The following SYT1 variants were observed in gnomAD, a reference collection of about 807,000 sequenced individuals.
SYT1 encodes the protein synaptotagmin 1.
Under a neutral mutation model 44.8 loss-of-function variants are expected in SYT1, and 8 were observed. The observed-to-expected ratio is 0.18, with a 90% CI of 0.10 to 0.32. The LOEUF (loss-of-function observed/expected upper bound fraction) is 0.32. Among genes scored for constraint, SYT1 ranks in the 10% least tolerant of loss-of-function variants. The probability of loss-of-function intolerance (pLI) is 1.00; values close to 1 mark genes in which losing one functional copy is unlikely to be tolerated. For synonymous variants in SYT1, 154 were observed against 188.8 expected, an observed-to-expected ratio of 0.82 and a Z score of 1.51; for missense variants, 286 against 509.3, an observed-to-expected ratio of 0.56 and a Z score of 4.22.
At chr12:78,985,927 G>A (rs1034503628) in intron 2 of SYT1, among the ~76,000 whole-genome samples, 5 of 151,788 alleles carry the variant, frequency 3.3e-5, no homozygotes, top group Non-Finnish European at 5.9e-5. Flanking sequence ...ATTTTCTTTC[G>A]AAAAGCACTT....
intron 3 of SYT1, among the ~76,000 whole-genome samples, chr12:79,047,804 T>C (rs1228073150): frequency 6.6e-6 from 1 of 151,582 alleles, no homozygotes; most frequent in Non-Finnish European, 1.5e-5. Context: ...ATGGCAGCTA[T>C]CTGCAGGCTT....
At chr12:78,903,973 CTG>C (rs1875810952) in intron 1 of SYT1, among the ~76,000 whole-genome samples, 1 of 151,768 alleles carries the variant, frequency 6.6e-6, no homozygotes, top group Non-Finnish European at 1.5e-5. Context: ...ACAGTTGAAT[CTG>C]TATTACAGAA....
chr12:79,224,661 T>C (rs1417986853), intron 4 of SYT1, among the ~76,000 whole-genome samples: 2 of 151,958 alleles, frequency 1.3e-5, no homozygotes, highest in Admixed American at 1.3e-4. Flanking sequence ...GATTTTACAC[T>C]GAGTGAAATA....
chr12:79,313,049 A>G (rs528059075), intron 8 of SYT1, among the ~76,000 whole-genome samples: 14 of 152,320 alleles, frequency 9.2e-5, no homozygotes, highest in East Asian at 1.9e-4. Context: ...TCTTTTTTGC[A>G]TAAGTCAGAA....
intron 4 of SYT1, among the ~76,000 whole-genome samples, chr12:79,240,004 A>C (rs1195666919): frequency 6.6e-6 from 1 of 152,226 alleles, no homozygotes; most frequent in Non-Finnish European, 1.5e-5. Flanking sequence ...ATGAATTGAA[A>C]TACAACCTAT....
At chr12:79,335,677 C>T (rs1882058945) in intron 8 of SYT1, among the ~76,000 whole-genome samples, 1 of 152,130 alleles carries the variant, frequency 6.6e-6, no homozygotes. Flanking sequence ...CCAATGACAA[C>T]CTCTTTTTAG....
chr12:79,088,773 T>G (rs1021319958), intron 3 of SYT1, among the ~76,000 whole-genome samples: 3 of 148,856 alleles, frequency 2.0e-5, no homozygotes, highest in African/African-American at 7.4e-5. Context: ...TGTGTGTGTG[T>G]GTGTGTATGT....
intron 9 of SYT1, among the ~76,000 whole-genome samples, chr12:79,355,408 C>T (rs1443200904): frequency 6.6e-6 from 1 of 152,180 alleles, no homozygotes; most frequent in Non-Finnish European, 1.5e-5. Context: ...AGAGAACCAG[C>T]AAAACCATAT....
intron 3 of SYT1, among the ~76,000 whole-genome samples, chr12:79,079,732 C>G (rs1876898634): frequency 6.6e-6 from 1 of 151,664 alleles, no homozygotes; most frequent in Admixed American, 6.6e-5. Context: ...TTTGAAAGGC[C>G]ACAATAATTT....
At chr12:79,205,766 C>G (rs1874084207) in intron 3 of SYT1, among the ~76,000 whole-genome samples, 1 of 152,124 alleles carries the variant, frequency 6.6e-6, no homozygotes. Context: ...ATAGTTTTCA[C>G]TTGGCTCATG....
intron 1 of SYT1, among the ~76,000 whole-genome samples, chr12:78,916,110 A>G (rs1876636397): frequency 1.3e-5 from 2 of 152,030 alleles, no homozygotes; most frequent in South Asian, 4.1e-4. Context: ...AATGAACCCC[A>G]ACGGAAGACT....
intron 2 of SYT1, among the ~76,000 whole-genome samples, chr12:79,002,379 C>T (rs1870798987): frequency 6.6e-6 from 1 of 151,920 alleles, no homozygotes. Context: ...CTGAAATTTC[C>T]TCAGTAGGAG....
intron 9 of SYT1, among the ~76,000 whole-genome samples, chr12:79,441,431 T>C (rs1870411352): frequency 6.6e-6 from 1 of 152,072 alleles, no homozygotes; most frequent in African/African-American, 2.4e-5. Flanking sequence ...TTCTCCTGCC[T>C]CACCTTTGGA....
rs187680684 is a variant in SYT1, at chr12:78,957,756, A to T, written c.-216-20043A>T. ...TAAGGTCCTGTGCACATTTTTTTTTAAACCTGGAGATCTTAATCTTGTAAG... is the reference window on the plus strand; with the variant it reads ...TAAGGTCCTGTGCACATTTTTTTTTTAACCTGGAGATCTTAATCTTGTAAG... On this transcript the variant is annotated intron_variant, in intron 1 of 10. Transcript: ENST00000261205. 9.7e-3 allele frequency among the ~76,000 whole-genome samples: 1,475 copies of T among 151,530 alleles called. 32 individuals carry two copies. The highest frequency in any genetic ancestry group is 0.034 in the African/African-American group (1,399 of 40,980).
At position 79,199,081 on chromosome 12, in the gene SYT1, A is replaced by G. The variant is rs141921482; in HGVS notation, c.-17-18422A>G. ...TTATAATCTTTAACCAGCATGGCCA[A>G]GAAAGAAATCTCAAGGGCAGTAGAG... On this transcript the variant is annotated intron_variant, in intron 3 of 10. Transcript: ENST00000261205. 7.4e-3 allele frequency among the ~76,000 whole-genome samples: 1,125 copies of G among 152,290 alleles called. 11 individuals carry two copies. Among genetic ancestry groups the G allele is most frequent in the Non-Finnish European group, 0.011 (744 of 68,010 alleles).
chr12:78,987,211 C>G (rs556804554), intron 2 of SYT1, among the ~76,000 whole-genome samples: 2 of 152,126 alleles, frequency 1.3e-5, no homozygotes, highest in South Asian at 4.1e-4. Context: ...GAGGAGGCAC[C>G]CTTTCTAAGC....
In SYT1 at chr12:79,001,405, A is replaced by C. The variant is rs146693862; in HGVS notation, c.-84+23474A>C. Among the ~76,000 whole-genome samples the C allele has an allele frequency of 1.4e-3, 214 of 152,250 alleles. 1 individual carries two copies. Among genetic ancestry groups the C allele is most frequent in the African/African-American group, 4.8e-3 (201 of 41,572 alleles). On this transcript the variant is annotated intron_variant, in intron 2 of 10. Transcript: ENST00000261205. Reference sequence around the variant, plus strand: ...TTGGATTCAAATATCAATACTTAGTAGTTTTCTCTTCCTTTAGGGCAAATT... The same window carrying C: ...TTGGATTCAAATATCAATACTTAGTCGTTTTCTCTTCCTTTAGGGCAAATT...
At chr12:79,040,723 C>T (rs1057079963) in intron 2 of SYT1, among the ~76,000 whole-genome samples, 1 of 152,086 alleles carries the variant, frequency 6.6e-6, no homozygotes, top group Non-Finnish European at 1.5e-5. Flanking sequence ...AATGGTAATG[C>T]CTAAGTTTTC....
At chr12:78,940,030 A>T (rs924220469) in intron 1 of SYT1, among the ~76,000 whole-genome samples, 2 of 152,176 alleles carry the variant, frequency 1.3e-5, no homozygotes, top group South Asian at 4.1e-4. Flanking sequence ...TAGGATATAT[A>T]CATAACTCTA....
Sources: gnomAD v4.1 joint callset for allele counts (sites outside exome capture counted in the v4.1 genomes callset) on GRCh38, gnomAD v4.1.1 for gene constraint, MANE v1.5 for transcripts, NCBI Gene and HGNC (gene_info 2026-07-23, HGNC 2026-07-21) for gene names.